Variants in KDM4C observed in about 807,000 individuals in gnomAD.
KDM4C encodes the protein lysine-specific demethylase 4C.
A neutral mutation model predicts 129.3 loss-of-function variants in KDM4C; 81 were observed. That is an observed-to-expected ratio of 0.63 (90% CI 0.52 to 0.75). KDM4C has a LOEUF of 0.75. Among genes scored for constraint, KDM4C ranks in the 30% least tolerant of loss-of-function variants. The pLI is 0.00. For synonymous variants in KDM4C, 573 were observed against 456.1 expected, an observed-to-expected ratio of 1.26 and a Z score of -3.26; for missense variants, 1,457 against 1,304.0, an observed-to-expected ratio of 1.12 and a Z score of -1.81.
At chr9:6,775,647 G>A (rs763569787) in intron 1 of KDM4C, among the ~76,000 whole-genome samples, 1 of 151,578 alleles carries the variant, frequency 6.6e-6, no homozygotes, top group Non-Finnish European at 1.5e-5. Flanking sequence ...CTCAGCCTCC[G>A]GAGTAGCTGG....
intron 17 of KDM4C, among the ~76,000 whole-genome samples, chr9:7,079,306 C>T (rs1363446476): frequency 6.6e-6 from 1 of 152,142 alleles, no homozygotes; most frequent in Non-Finnish European, 1.5e-5. Context: ...ACATTAATCT[C>T]TACAAGAGTG....
At chr9:6,986,286 T>A in intron 10 of KDM4C, 58 bp from the exon 11 acceptor site, 1 of 1,194,164 alleles carries the variant, frequency 8.4e-7, no homozygotes, top group Non-Finnish European at 1.2e-6. Flanking sequence ...AGTTTACCAA[T>A]TCTACTTAGT....
intron 17 of KDM4C, among the ~76,000 whole-genome samples, chr9:7,057,849 G>A (rs1186612675): frequency 1.3e-5 from 2 of 152,138 alleles, no homozygotes; most frequent in African/African-American, 4.8e-5. Flanking sequence ...AAGATGAATA[G>A]GTTGATGTTC....
intron 4 of KDM4C, among the ~76,000 whole-genome samples, chr9:6,844,930 C>T (rs944106672): frequency 2.0e-5 from 3 of 152,152 alleles, no homozygotes; most frequent in Admixed American, 1.3e-4. Context: ...TCAGGTGATC[C>T]GCCTGCCTCG....
chr9:6,799,188 C>T (rs955273650), intron 2 of KDM4C, among the ~76,000 whole-genome samples: 1 of 152,284 alleles, frequency 6.6e-6, no homozygotes, highest in Non-Finnish European at 1.5e-5. Context: ...GCTGCAATCT[C>T]GGCACTTTGG....
chr9:6,733,357 C>A (rs1213337903), intron 1 of KDM4C, among the ~76,000 whole-genome samples: 4 of 152,190 alleles, frequency 2.6e-5, no homozygotes, highest in Non-Finnish European at 5.9e-5. Context: ...TGCTCATTGG[C>A]TCTTTGTTTC....
chr9:6,817,367 A>G (rs1046332064), intron 4 of KDM4C, among the ~76,000 whole-genome samples: 2 of 151,844 alleles, frequency 1.3e-5, no homozygotes, highest in Non-Finnish European at 2.9e-5. Flanking sequence ...ATGCCTAGCT[A>G]ATTTTTAAAA....
intron 15 of KDM4C, among the ~76,000 whole-genome samples, chr9:7,042,757 G>A (rs960911312): frequency 6.6e-6 from 1 of 151,912 alleles, no homozygotes; most frequent in African/African-American, 2.4e-5. Flanking sequence ...TATGCTTTGG[G>A]GCAGAAGATG....
chr9:6,787,367 G>C (rs1454259681), intron 1 of KDM4C, among the ~76,000 whole-genome samples: 1 of 152,168 alleles, frequency 6.6e-6, no homozygotes, highest in African/African-American at 2.4e-5. Flanking sequence ...CTAGTAGCTC[G>C]GATCACAGGC....
At position 7,013,921 on chromosome 9, in the gene KDM4C, C is replaced by A; in HGVS notation, c.2102C>A (p.Ser701Tyr). Residue 701 changes from serine (S) to tyrosine (Y), a missense_variant, in exon 14 of 22, where the codon TCT becomes TAT. Physicochemically the swap from Ser to Tyr is moderately radical, Grantham distance 144. Coordinates refer to ENST00000381309, the MANE Select transcript of KDM4C (RefSeq NM_015061.6). ...FIYSEENIEY[S>Y]PPNAFLEEDG... ...TATAGTGAAGAAAATATAGAATATT[C>A]TCCACCCAATGCCTTCCTTGAAGAG... is the stretch of plus-strand genomic sequence containing the variant. The A allele has an allele frequency of 1.9e-6, 3 of 1,614,028 alleles. No individual in the cohort carries two copies. Among genetic ancestry groups the A allele is most frequent in the South Asian group, 2.2e-5 (2 of 91,082 alleles).
At chr9:7,035,469 G>T (rs551823565) in intron 15 of KDM4C, among the ~76,000 whole-genome samples, 1 of 148,708 alleles carries the variant, frequency 6.7e-6, no homozygotes, top group Admixed American at 6.8e-5. Context: ...TTCCTTTGCT[G>T]TGCAGAAGCT....
intron 1 of KDM4C, among the ~76,000 whole-genome samples, chr9:6,749,349 A>G (rs958038441): frequency 3.3e-5 from 5 of 152,124 alleles, no homozygotes; most frequent in African/African-American, 7.2e-5. Context: ...CAGGATATCA[A>G]TAGAAGTTTC....
intron 15 of KDM4C, among the ~76,000 whole-genome samples, chr9:7,028,725 G>A (rs1274764023): frequency 6.6e-6 from 1 of 152,090 alleles, no homozygotes; most frequent in Non-Finnish European, 1.5e-5. Flanking sequence ...AGCCCGTGGT[G>A]GCAAGGCTTG....
intron 18 of KDM4C, among the ~76,000 whole-genome samples, chr9:7,113,350 T>C (rs1478838309): frequency 6.6e-6 from 1 of 152,204 alleles, no homozygotes; most frequent in Non-Finnish European, 1.5e-5. Context: ...AATATTGACA[T>C]TCAGAACCTA....
intron 4 of KDM4C, among the ~76,000 whole-genome samples, chr9:6,838,546 T>C (rs1359340439): frequency 6.6e-6 from 1 of 152,132 alleles, no homozygotes; most frequent in African/African-American, 2.4e-5. Flanking sequence ...GTTTTCCCCA[T>C]TTTTTCTCTG....
chr9:7,040,299 TTCCCTCCCTCCCTCTGTCTCTCTTTCCC>T (rs1828335956), intron 15 of KDM4C, among the ~76,000 whole-genome samples: 1 of 151,284 alleles, frequency 6.6e-6, no homozygotes, highest in African/African-American at 2.4e-5. Context: ...TTCCCTTTCC[TTCCCTCCCTCCCTCTGTCTCTCTTTCCC>T]TCCCTCCCTC....
At chr9:6,812,555 C>G (rs1831351984) in intron 3 of KDM4C, among the ~76,000 whole-genome samples, 1 of 152,164 alleles carries the variant, frequency 6.6e-6, no homozygotes, top group Admixed American at 6.5e-5. Context: ...ACCTAGACCC[C>G]TCACATGCAC....
intron 18 of KDM4C, among the ~76,000 whole-genome samples, chr9:7,106,202 G>C (rs1026938197): frequency 7.9e-5 from 12 of 152,156 alleles, no homozygotes; most frequent in Non-Finnish European, 1.3e-4. Context: ...CTTTGGTTAA[G>C]AACATTGTGA....
chr9:6,855,528 GTTGGGA>G (rs1237680080), intron 5 of KDM4C, among the ~76,000 whole-genome samples: 1 of 146,912 alleles, frequency 6.8e-6, no homozygotes, highest in East Asian at 2.0e-4. Context: ...AGTGTTTGTA[GTTGGGA>G]TAAACCAGAG....
Sources: allele counts gnomAD v4.1 joint callset (sites outside exome capture counted in the v4.1 genomes callset), GRCh38; gene constraint gnomAD v4.1.1; transcripts MANE v1.5; gene names NCBI Gene and HGNC (gene_info 2026-07-23, HGNC 2026-07-21).